The following GC variants were observed in gnomAD, a reference collection of about 807,000 sequenced individuals.
The protein encoded by GC is vitamin D-binding protein.
A neutral mutation model predicts 56.7 loss-of-function variants in GC; 43 were observed. The ratio of observed to expected loss-of-function variants is 0.76; its 90% CI spans 0.59 to 0.98. GC has a LOEUF of 0.98. Ranked by LOEUF, GC falls within the 50% of genes least tolerant of loss-of-function variation. The probability of loss-of-function intolerance (pLI) is 0.00; values close to 1 mark genes in which losing one functional copy is unlikely to be tolerated. For missense variants in GC, 529 were observed against 545.9 expected, an observed-to-expected ratio of 0.97 and a Z score of 0.31; for synonymous variants, 216 against 202.7, an observed-to-expected ratio of 1.07 and a Z score of -0.56.
chr4:71,784,297 C>T (rs565633272), upstream of GC: 2 of 1,133,706 alleles, frequency 1.8e-6, no homozygotes, highest in African/African-American at 1.6e-5. Context: ...CTTTGTCAAA[C>T]TGCAAAAGAG....
chr4:71,770,695 G>C (rs992345677), intron 1 of GC, among the ~76,000 whole-genome samples: 1 of 152,190 alleles, frequency 6.6e-6, no homozygotes, highest in African/African-American at 2.4e-5. Context: ...ACAGGCAAAG[G>C]AGACAAGAGG....
Position 71,768,281 on chromosome 4 carries a change from G to T in GC, c.261+20C>A. The T allele has an allele frequency of 6.4e-7, 1 of 1,568,548 alleles. No individual in the cohort carries two copies. Among genetic ancestry groups the T allele is most frequent in the Non-Finnish European group, 8.7e-7 (1 of 1,154,296 alleles). Reference sequence around the variant, plus strand: ...TCCTTCTCTGGGCTGCCACAGAGACGGCCAGCCACAGAAACCTACCCTGGT... The same window carrying T: ...TCCTTCTCTGGGCTGCCACAGAGACTGCCAGCCACAGAAACCTACCCTGGT... On this transcript the variant is annotated intron_variant, in intron 3 of 12. Coordinates refer to ENST00000273951, the MANE Select transcript of GC (RefSeq NM_000583.4).
At chr4:71,782,723 T>G (rs568554565) in intron 1 of GC, among the ~76,000 whole-genome samples, 8 of 151,940 alleles carry the variant, frequency 5.3e-5, no homozygotes, top group African/African-American at 1.9e-4. Context: ...TAGCCATTAT[T>G]GGACCTTCTG....
intron 1 of GC, among the ~76,000 whole-genome samples, chr4:71,773,870 C>T (rs1742417828): frequency 6.6e-6 from 1 of 151,964 alleles, no homozygotes; most frequent in African/African-American, 2.4e-5. Context: ...TACTGACAGA[C>T]TCATCCATGT....
chr4:71,805,033 T>C (rs1250044861), upstream of GC, among the ~76,000 whole-genome samples: 3 of 152,118 alleles, frequency 2.0e-5, no homozygotes, highest in African/African-American at 7.2e-5. Context: ...GTTAAAGATG[T>C]TACTGGTACC....
At chr4:71,742,826 T>TA (rs1237032867) in intron 12 of GC, among the ~76,000 whole-genome samples, 1 of 152,052 alleles carries the variant, frequency 6.6e-6, no homozygotes, top group Admixed American at 6.6e-5. Context: ...TACAAAAAAT[T>TA]AGCCAGGCGT....
chr4:71,759,844 T>A (rs543365026), intron 6 of GC, among the ~76,000 whole-genome samples: 9 of 152,308 alleles, frequency 5.9e-5, no homozygotes, highest in Admixed American at 2.0e-4. Context: ...TTCCTTGAAG[T>A]ACATTTCTGG....
At chr4:71,764,317 C>G (rs1292775284) in intron 4 of GC, among the ~76,000 whole-genome samples, 1 of 151,948 alleles carries the variant, frequency 6.6e-6, no homozygotes, top group Non-Finnish European at 1.5e-5. Flanking sequence ...TTTTGATGGA[C>G]AAAGGATATA....
intron 11 of GC, among the ~76,000 whole-genome samples, chr4:71,746,791 A>AAC (rs1365712450): frequency 2.0e-5 from 3 of 151,482 alleles, no homozygotes; most frequent in African/African-American, 7.3e-5. Context: ...AAAAAAAAAA[A>AAC]AAAACTACTT....
chr4:71,795,912 A>G (rs1743090540), intron 1 of GC, among the ~76,000 whole-genome samples: 1 of 152,170 alleles, frequency 6.6e-6, no homozygotes, highest in Non-Finnish European at 1.5e-5. Context: ...TCCTTCATTT[A>G]TGAAGCTTAG....
chr4:71,744,320 G>T (rs1384930280), intron 12 of GC, among the ~76,000 whole-genome samples: 1 of 150,688 alleles, frequency 6.6e-6, no homozygotes, highest in Non-Finnish European at 1.5e-5. Flanking sequence ...TTAGCTGGGC[G>T]TGGTGGCGGG....
intron 1 of GC, among the ~76,000 whole-genome samples, chr4:71,793,867 G>A (rs1001796157): frequency 6.6e-6 from 1 of 152,060 alleles, no homozygotes; most frequent in Non-Finnish European, 1.5e-5. Flanking sequence ...TAGCATGAAG[G>A]GCTGTTGAAT....
intron 6 of GC, among the ~76,000 whole-genome samples, chr4:71,760,183 A>G (rs6857188): frequency 4.6e-5 from 7 of 150,590 alleles, no homozygotes; most frequent in African/African-American, 1.7e-4. Flanking sequence ...AGCTGGGACT[A>G]TAGGCGCCCA....
upstream of GC, among the ~76,000 whole-genome samples, chr4:71,787,897 T>C (rs926378420): frequency 6.6e-6 from 1 of 151,826 alleles, no homozygotes; most frequent in Non-Finnish European, 1.5e-5. Context: ...TGATGGAAGA[T>C]GTTTTCAGGT....
intron 10 of GC, 37 bp from the exon 11 acceptor site, chr4:71,752,687 T>C: frequency 2.6e-6 from 4 of 1,556,804 alleles, no homozygotes; most frequent in African/African-American, 1.4e-5. Flanking sequence ...TTACTACATG[T>C]ATTTATTTTA....
At chr4:71,761,663 C>T (rs921453628) in intron 6 of GC, among the ~76,000 whole-genome samples, 8 of 152,134 alleles carry the variant, frequency 5.3e-5, no homozygotes, top group South Asian at 2.1e-4. Context: ...TCAGGGTTCC[C>T]GTGCTGTGTG....
intron 8 of GC, among the ~76,000 whole-genome samples, chr4:71,756,425 G>T (rs1212141672): frequency 6.6e-6 from 1 of 152,152 alleles, no homozygotes; most frequent in Non-Finnish European, 1.5e-5. Flanking sequence ...GAATTATCAA[G>T]TCACTTCTTT....
intron 11 of GC, among the ~76,000 whole-genome samples, chr4:71,750,495 T>A (rs1741511926): frequency 3.9e-5 from 6 of 152,222 alleles, no homozygotes; most frequent in Admixed American, 3.9e-4. Context: ...TCTTGGGTAT[T>A]TTTAAATGCA....
chr4:71,773,826 A>G (rs1208366731), intron 1 of GC, among the ~76,000 whole-genome samples: 3 of 151,940 alleles, frequency 2.0e-5, no homozygotes, highest in Admixed American at 6.6e-5. Context: ...TATTTTCACA[A>G]TTTCATTTCT....
Sources: allele counts gnomAD v4.1 joint callset (sites outside exome capture counted in the v4.1 genomes callset), GRCh38; gene constraint gnomAD v4.1.1; transcripts MANE v1.5; gene names NCBI Gene and HGNC (gene_info 2026-07-23, HGNC 2026-07-21).